C1orf21: variants seen among roughly 807,000 people sequenced by gnomAD.
The protein encoded by C1orf21 is chromosome 1 open reading frame 21.
In C1orf21, 3 loss-of-function variants were observed where a neutral mutation model predicts 18.7. The observed-to-expected ratio is 0.16, with a 90% CI of 0.07 to 0.42. C1orf21 has a LOEUF of 0.42. Ranked by LOEUF, C1orf21 falls within the 10% of genes least tolerant of loss-of-function variation. The probability of loss-of-function intolerance (pLI) is 0.99; values close to 1 mark genes in which losing one functional copy is unlikely to be tolerated. For synonymous variants in C1orf21, 41 were observed against 46.4 expected (o/e 0.88, Z 0.47); for missense variants, 104 against 143.6 (o/e 0.72, Z 1.41).
rs545014953 is a variant in C1orf21, at chr1:184,623,787, G to T, written c.*4231G>T. ...GACTTTGGCAGTCACCTTTTTGTAT[G>T]TCTCTAGAAAGGGGTCAAAAAACTA... On this transcript the variant is annotated 3_prime_UTR_variant, in exon 6 of 6. Coordinates refer to ENST00000235307, the MANE Select transcript of C1orf21 (RefSeq NM_030806.4). The T allele has an allele frequency of 6.6e-6, 1 of 152,552 alleles. No homozygotes were observed. Among genetic ancestry groups the T allele is most frequent in the East Asian group, 1.9e-4 (1 of 5,194 alleles). The allele number at this position is 152,552 out of a possible 1,614,324, so 9.4% of individuals were successfully genotyped here.
intron 3 of C1orf21, among the ~76,000 whole-genome samples, chr1:184,571,515 T>C (rs193258099): frequency 6.6e-6 from 1 of 152,278 alleles, no homozygotes; most frequent in African/African-American, 2.4e-5. Context: ...GCCTTTCGAG[T>C]AGGCTTTATC....
At chr1:184,590,199 A>C (rs542208308) in intron 3 of C1orf21, among the ~76,000 whole-genome samples, 2 of 152,244 alleles carry the variant, frequency 1.3e-5, no homozygotes, top group Non-Finnish European at 2.9e-5. Flanking sequence ...GCTAAAAGCC[A>C]AAGAAGTGTT....
At position 184,622,396 on chromosome 1, in the gene C1orf21, A is replaced by C. The variant is rs1659938423; in HGVS notation, c.*2840A>C. The C allele has an allele frequency of 6.6e-6, 1 of 152,610 alleles. No homozygotes were observed. Among genetic ancestry groups the C allele is most frequent in the Admixed American group, 6.5e-5 (1 of 15,290 alleles). The allele number at this position is 152,610 out of a possible 1,614,324, so 9.5% of individuals were successfully genotyped here. ...TCAACGAGATTTACAGCTGGCTTAC[A>C]CATGCCTTATGTCCTCTGAGTTGTA... On this transcript the variant is annotated 3_prime_UTR_variant, in exon 6 of 6. Transcript: ENST00000235307.
At chr1:184,590,651 T>C in intron 3 of C1orf21, 88 bp from the exon 4 acceptor site, 1 of 1,333,488 alleles carries the variant, frequency 7.5e-7, no homozygotes, top group Non-Finnish European at 1.1e-6. Context: ...CCCAAACAGA[T>C]TGAACGTTTG....
rs553911506 is a variant in C1orf21, at chr1:184,565,388, A to G, written c.190-25351A>G. Reference sequence around the variant, plus strand: ...CTACAGATTAAGAAACTAAGGCTCTAAGAGTTTAAGTTACTTACAGACTTT... The same window carrying G: ...CTACAGATTAAGAAACTAAGGCTCTGAGAGTTTAAGTTACTTACAGACTTT... On this transcript the variant is annotated intron_variant, in intron 3 of 5. Transcript: ENST00000235307. 2.0e-5 allele frequency among the ~76,000 whole-genome samples: 3 copies of G among 152,352 alleles called. No individual in the cohort carries two copies. In the South Asian group the frequency reaches 6.2e-4, roughly 32 times the overall value.
intron 3 of C1orf21, among the ~76,000 whole-genome samples, chr1:184,573,080 G>A (rs765474909): frequency 1.6e-4 from 25 of 151,682 alleles, no homozygotes; most frequent in Admixed American, 1.4e-3. Flanking sequence ...AATCAACTTT[G>A]TTTCTAATGG....
intron 2 of C1orf21, among the ~76,000 whole-genome samples, chr1:184,495,223 A>C (rs1305005435): frequency 1.3e-5 from 2 of 151,978 alleles, no homozygotes; most frequent in Non-Finnish European, 2.9e-5. Flanking sequence ...TTCCCCCCGC[A>C]ACATAGACTC....
chr1:184,458,309 G>A (rs532109126), intron 1 of C1orf21, among the ~76,000 whole-genome samples: 6 of 152,258 alleles, frequency 3.9e-5, no homozygotes, highest in South Asian at 2.1e-4. Context: ...TAGTCCAATG[G>A]TGTTTGCTCC....
chr1:184,522,850 G>A (rs2101969880), intron 3 of C1orf21, among the ~76,000 whole-genome samples: 1 of 152,236 alleles, frequency 6.6e-6, no homozygotes, highest in South Asian at 2.1e-4. Context: ...ACTATGCCCA[G>A]CTAATTTTTT....
At chr1:184,575,444 G>C (rs1242167931) in intron 3 of C1orf21, among the ~76,000 whole-genome samples, 2 of 151,974 alleles carry the variant, frequency 1.3e-5, no homozygotes, top group Non-Finnish European at 2.9e-5. Flanking sequence ...ACTTCTGATG[G>C]GAAGAGGTTG....
intron 1 of C1orf21, among the ~76,000 whole-genome samples, chr1:184,399,910 A>G (rs1656122074): frequency 6.6e-6 from 1 of 152,176 alleles, no homozygotes; most frequent in African/African-American, 2.4e-5. Context: ...TTACCCTGAG[A>G]TATAGTTTAT....
chr1:184,439,887 T>G (rs1571358284), intron 1 of C1orf21, among the ~76,000 whole-genome samples: 1 of 152,222 alleles, frequency 6.6e-6, no homozygotes, highest in African/African-American at 2.4e-5. Flanking sequence ...GCATAAAAAT[T>G]AAAACTAATG....
At chr1:184,547,917 T>G (rs1433796073) in intron 3 of C1orf21, among the ~76,000 whole-genome samples, 1 of 152,170 alleles carries the variant, frequency 6.6e-6, no homozygotes, top group Non-Finnish European at 1.5e-5. Flanking sequence ...AGACAAGTTA[T>G]ACCATTGGAA....
At chr1:184,475,514 C>G (rs1385039744) in intron 1 of C1orf21, among the ~76,000 whole-genome samples, 1 of 152,162 alleles carries the variant, frequency 6.6e-6, no homozygotes, top group African/African-American at 2.4e-5. Flanking sequence ...TACTTCTTTC[C>G]TCTGCCCAGT....
rs147435774 is a variant in C1orf21 at position 184,499,858 on chromosome 1, G to C, written c.95-7730G>C. Among the ~76,000 whole-genome samples the C allele has an allele frequency of 2.1e-3, 313 of 152,276 alleles. 2 individuals are homozygous for C. The highest frequency in any genetic ancestry group is 6.9e-3 in the African/African-American group (287 of 41,544). On this transcript the variant is annotated intron_variant, in intron 2 of 5. Transcript: ENST00000235307. ...TTAAGTCAAAGCAGGGGAGAGGATA[G>C]CTGACTAGGACAGCCTTTTATCCTG...
rs146627050 is a variant in C1orf21 at position 184,623,169 on chromosome 1, T to G, written c.*3613T>G. On this transcript the variant is annotated 3_prime_UTR_variant, in exon 6 of 6. Transcript: ENST00000235307. ...TTGACACTGGGCAAGAATTTAAGAT[T>G]GTTCTATCTCTACTAGTCATAGAAA... The G allele has an allele frequency of 2.0e-5, 3 of 152,362 alleles. No homozygotes were observed. The highest frequency in any genetic ancestry group is 4.8e-5 in the African/African-American group (2 of 41,592). The allele number at this position is 152,362 out of a possible 1,614,324, so 9.4% of individuals were successfully genotyped here. A position where few individuals can be genotyped will look rare whatever the true frequency, so the allele number is the denominator to read the frequency against.
chr1:184,615,276 G>A (rs923265694), intron 5 of C1orf21, among the ~76,000 whole-genome samples: 2 of 152,148 alleles, frequency 1.3e-5, no homozygotes, highest in Admixed American at 6.5e-5. Flanking sequence ...GGGTGTGGTC[G>A]GAAAAATTTT....
At chr1:184,508,061 T>C (rs1005589353) in intron 3 of C1orf21, among the ~76,000 whole-genome samples, 5 of 152,194 alleles carry the variant, frequency 3.3e-5, no homozygotes, top group African/African-American at 1.2e-4. Flanking sequence ...ATTCTAGACA[T>C]GTAATGTTGA....
intron 3 of C1orf21, among the ~76,000 whole-genome samples, chr1:184,535,712 A>C (rs890473158): frequency 6.6e-6 from 1 of 152,168 alleles, no homozygotes; most frequent in Admixed American, 6.5e-5. Context: ...AAAGCTGGGT[A>C]CTTTCACCAC....
Sources: gnomAD v4.1 joint callset for allele counts (sites outside exome capture counted in the v4.1 genomes callset) on GRCh38, gnomAD v4.1.1 for gene constraint, MANE v1.5 for transcripts, NCBI Gene and HGNC (gene_info 2026-07-23, HGNC 2026-07-21) for gene names.